The following PALMD variants were observed in gnomAD, a reference collection of about 807,000 sequenced individuals.
The protein encoded by PALMD is paralemmin-like protein.
A neutral mutation model predicts 56.2 loss-of-function variants in PALMD; 42 were observed. The ratio of observed to expected loss-of-function variants is 0.75; its 90% CI spans 0.58 to 0.97. The LOEUF is 0.97. Among genes scored for constraint, PALMD ranks in the 50% least tolerant of loss-of-function variants. The pLI, the probability that PALMD is intolerant of heterozygous loss-of-function variation, is 0.00. For synonymous variants in PALMD, 242 were observed against 222.9 expected (o/e 1.09, Z -0.76); for missense variants, 660 against 643.8 (o/e 1.03, Z -0.27).
At chr1:99,658,827 T>C (rs1652785190) in intron 1 of PALMD, among the ~76,000 whole-genome samples, 1 of 151,786 alleles carries the variant, frequency 6.6e-6, no homozygotes, top group Admixed American at 6.6e-5. Flanking sequence ...GCATCTGTAG[T>C]CCCAGCTACT....
In PALMD at chr1:99,694,031, G is replaced by A. The variant is rs1441215504; in HGVS notation, c.1625G>A (p.Arg542Lys). 6.2e-7 allele frequency: 1 copy of A among 1,602,642 alleles called. No individual in the cohort carries two copies. Among genetic ancestry groups the A allele is most frequent in the East Asian group, 2.2e-5 (1 of 44,640 alleles). ...EDPSLTALRMRMAKLGKKVI is the reference protein window; with the variant it reads ...EDPSLTALRMKMAKLGKKVI The stretch of plus-strand genomic sequence containing the variant: ...CTTTAATTTGCAGCTTTAAGGATGA[G>A]AATGGCAAAGCTGGGAAAAAAGGTG... Residue 542 changes from arginine (R) to lysine (K), a missense_variant, in exon 8 of 8, where the codon AGA becomes AAA. By Grantham distance (26) the Arg-to-Lys change is conservative. Coordinates refer to ENST00000263174, the MANE Select transcript of PALMD (RefSeq NM_017734.5).
chr1:99,651,080 T>C (rs1652574254), intron 1 of PALMD, among the ~76,000 whole-genome samples: 1 of 152,204 alleles, frequency 6.6e-6, no homozygotes, highest in Admixed American at 6.5e-5. Flanking sequence ...CACATGAAGA[T>C]GGTACATGAA....
intron 3 of PALMD, among the ~76,000 whole-genome samples, chr1:99,673,514 T>C (rs1180199172): frequency 6.6e-6 from 1 of 152,198 alleles, no homozygotes; most frequent in African/African-American, 2.4e-5. Flanking sequence ...CTCTACCATT[T>C]GTTTCTTATT....
intron 3 of PALMD, chr1:99,686,086 T>C (rs1571075104): frequency 6.6e-6 from 1 of 152,190 alleles, no homozygotes; most frequent in Non-Finnish European, 1.5e-5. Flanking sequence ...GCTACTGTAC[T>C]ATATTTGGTC....
Position 99,646,171 on chromosome 1 carries a change from CG to C in PALMD, c.-144del. On this transcript the variant is annotated 5_prime_UTR_variant, in exon 1 of 8. Coordinates refer to ENST00000263174, the MANE Select transcript of PALMD (RefSeq NM_017734.5). ...CTGCTCGGAGACGCTCCTGACAAGT[CG>C]GGAATTTCTCTATTTCTCCACTGGT... 1 of 672,742 alleles carries C rather than the reference CG, an allele frequency of 1.5e-6. No homozygotes were observed. Among genetic ancestry groups the C allele is most frequent in the East Asian group, 2.7e-5 (1 of 37,676 alleles). 41.7% of individuals were successfully genotyped at this position (672,742 alleles called of 1,614,324 possible). A position where few individuals can be genotyped will look rare whatever the true frequency, so the allele number is the denominator to read the frequency against.
At chr1:99,675,760 T>C (rs1298427512) in intron 3 of PALMD, among the ~76,000 whole-genome samples, 1 of 152,220 alleles carries the variant, frequency 6.6e-6, no homozygotes, top group Non-Finnish European at 1.5e-5. Flanking sequence ...CAGTTTGGTT[T>C]CTTATTTTTC....
intron 3 of PALMD, among the ~76,000 whole-genome samples, chr1:99,681,619 C>A (rs1653349135): frequency 6.6e-6 from 1 of 152,088 alleles, no homozygotes; most frequent in Non-Finnish European, 1.5e-5. Flanking sequence ...TTACACTATA[C>A]CAGGCATTCT....
intron 3 of PALMD, among the ~76,000 whole-genome samples, chr1:99,672,260 C>G (rs1394075703): frequency 6.6e-6 from 1 of 152,096 alleles, no homozygotes; most frequent in Non-Finnish European, 1.5e-5. Flanking sequence ...AGTATTTTGC[C>G]TTGTGCCCTG....
At chr1:99,674,717 T>C (rs931708614) in intron 3 of PALMD, among the ~76,000 whole-genome samples, 1 of 152,194 alleles carries the variant, frequency 6.6e-6, no homozygotes, top group Non-Finnish European at 1.5e-5. Context: ...AATACAAATA[T>C]GACACCATTA....
chr1:99,650,779 AC>A (rs1445386669), intron 1 of PALMD, among the ~76,000 whole-genome samples: 3 of 152,192 alleles, frequency 2.0e-5, no homozygotes, highest in African/African-American at 7.2e-5. Flanking sequence ...CAGGTCACAA[AC>A]CCAAGAAGTC....
chr1:99,662,581 C>A (rs1652870507), intron 2 of PALMD, among the ~76,000 whole-genome samples, 182 bp downstream of exon 2: 1 of 152,196 alleles, frequency 6.6e-6, no homozygotes, highest in Admixed American at 6.5e-5. Flanking sequence ...TTAATACCTT[C>A]TAGCAAACAT....
chr1:99,661,946 C>T (rs575559632), intron 1 of PALMD, among the ~76,000 whole-genome samples: 6 of 152,234 alleles, frequency 3.9e-5, no homozygotes. Flanking sequence ...AACCTTGGAC[C>T]AGGATCAGTC....
At chr1:99,683,560 G>C (rs6658061) in intron 3 of PALMD, 12,337 of 152,134 alleles carry the variant, frequency 0.081, 1,090 homozygotes, top group African/African-American at 0.22. Context: ...AGCTCTTTCT[G>C]TCAAATATTT....
chr1:99,655,122 T>A (rs1016732507), intron 1 of PALMD, among the ~76,000 whole-genome samples: 1 of 152,052 alleles, frequency 6.6e-6, no homozygotes, highest in Non-Finnish European at 1.5e-5. Flanking sequence ...GTAATAAAAG[T>A]TTCATACTAA....
intron 3 of PALMD, chr1:99,668,023 C>A (rs1653005625): frequency 2.7e-6 from 1 of 367,516 alleles, no homozygotes. Context: ...GGATGATGGG[C>A]ACCCACAACC....
intron 3 of PALMD, among the ~76,000 whole-genome samples, chr1:99,676,885 G>C (rs551801325): frequency 2.0e-5 from 3 of 152,134 alleles, no homozygotes; most frequent in Non-Finnish European, 4.4e-5. Flanking sequence ...TATCTACAAA[G>C]ATGAAATATC....
chr1:99,689,516 G>C lies in PALMD; in HGVS notation c.1256G>C (p.Gly419Ala), dbSNP rs201939838. The change falls in exon 7 of 8, where the codon GGG (glycine) becomes GCG (alanine). Residue 419 changes from glycine to alanine, a missense_variant. By Grantham distance (60) the Gly-to-Ala change is moderately conservative (BLOSUM62 0). Coordinates refer to ENST00000263174, the MANE Select transcript of PALMD (RefSeq NM_017734.5). ...DTEPVTMIFMGYQQAEDSEED... is the reference protein window; with the variant it reads ...DTEPVTMIFMAYQQAEDSEED... ...GAACCGGTGACAATGATTTTCATGG[G>C]GTATCAGCAGGCAGAAGACAGTGAA... 91 of 1,613,616 alleles carry C rather than the reference G, an allele frequency of 5.6e-5. No individual in the cohort carries two copies. Among genetic ancestry groups the C allele is most frequent in the Non-Finnish European group, 7.2e-5 (85 of 1,179,864 alleles).
Position 99,694,041 on chromosome 1 carries a change from G to C in PALMD, c.1635G>C (p.Lys545Asn). The change falls in exon 8 of 8, where the codon AAG becomes AAC. Residue 545 changes from lysine (K) to asparagine (N), a missense_variant. Transcript: ENST00000263174. ...CAGCTTTAAGGATGAGAATGGCAAA[G>C]CTGGGAAAAAAGGTGATCTAAGAGT... ...SLTALRMRMA[K>N]LGKKVI is the part of the protein sequence containing the mutation. 6.2e-7 allele frequency: 1 copy of C among 1,603,304 alleles called. No individual in the cohort carries two copies. The highest frequency in any genetic ancestry group is 1.1e-5 in the South Asian group (1 of 89,798).
intron 7 of PALMD, 58 bp from the exon 8 acceptor site, chr1:99,693,961 T>G (rs1653720656): frequency 1.6e-6 from 2 of 1,227,898 alleles, no homozygotes; most frequent in African/African-American, 1.5e-5. Flanking sequence ...GAATGGCCAT[T>G]TAGAGTAAAA....
Sources: gnomAD v4.1 joint callset for allele counts (sites outside exome capture counted in the v4.1 genomes callset) on GRCh38, gnomAD v4.1.1 for gene constraint, MANE v1.5 for transcripts, NCBI Gene and HGNC (gene_info 2026-07-23, HGNC 2026-07-21) for gene names.